Variants in DCP1B observed in about 807,000 individuals in gnomAD.
The protein encoded by DCP1B is mRNA-decapping enzyme 1B.
A neutral mutation model predicts 60.5 loss-of-function variants in DCP1B; 47 were observed. The observed-to-expected ratio is 0.78, with a 90% CI of 0.61 to 0.99. DCP1B has a LOEUF of 0.99. Among genes scored for constraint, DCP1B ranks in the 50% least tolerant of loss-of-function variants. The pLI is 0.00. For missense variants in DCP1B, 725 were observed against 756.8 expected (o/e 0.96, Z 0.49); for synonymous variants, 267 against 280.3 (o/e 0.95, Z 0.47).
Position 1,953,157 on chromosome 12 carries a change from TTGCTGCTGCTGC to T in DCP1B, c.771_782del (p.Gln258_Gln261del), listed in dbSNP as rs71057810. ...CCCCCTGCCTAATTGGAAGCTTCTC[TTGCTGCTGCTGC>T]TGCTGCTGCTGCTGCTGGTGGAGAG... On this transcript the variant is annotated inframe_deletion, in exon 7 of 9. Coordinates refer to ENST00000280665, the MANE Select transcript of DCP1B (RefSeq NM_152640.5). 4.3e-5 allele frequency: 67 copies of T among 1,562,110 alleles called. No homozygotes were observed. The highest frequency in any genetic ancestry group is 5.6e-5 in the Non-Finnish European group (64 of 1,145,280).
intron 5 of DCP1B, among the ~76,000 whole-genome samples, chr12:1,955,829 A>G (rs1462432664): frequency 6.6e-6 from 1 of 152,090 alleles, no homozygotes; most frequent in Non-Finnish European, 1.5e-5. Flanking sequence ...AGACACCTGT[A>G]TAATTGAAAG....
intron 5 of DCP1B, among the ~76,000 whole-genome samples, chr12:1,960,017 C>G (rs1336012694): frequency 6.6e-6 from 1 of 151,688 alleles, no homozygotes; most frequent in South Asian, 2.1e-4. Flanking sequence ...AGAACTACCA[C>G]ATGATCGAAG....
chr12:1,955,399 C>G, intron 6 of DCP1B, 33 bp downstream of exon 6: 2 of 1,593,192 alleles, frequency 1.3e-6, no homozygotes, highest in Non-Finnish European at 1.7e-6. Context: ...ATTCTAGAGA[C>G]ACACTGAATA....
chr12:1,957,498 T>C (rs776103193), intron 5 of DCP1B, among the ~76,000 whole-genome samples: 16 of 152,246 alleles, frequency 1.1e-4, no homozygotes, highest in Non-Finnish European at 1.9e-4. Flanking sequence ...AAAAAATTTC[T>C]ATAATTTCAT....
Position 1,971,678 on chromosome 12 carries a change from T to A in DCP1B, c.320-3768A>T, listed in dbSNP as rs1436569756. Among the ~76,000 whole-genome samples the A allele has an allele frequency of 6.6e-6, 1 of 152,224 alleles. No individual in the cohort carries two copies. The highest frequency in any genetic ancestry group is 6.5e-5 in the Admixed American group (1 of 15,290). ...CTAGTTAAGGGGCCATTAAAGGCAG[T>A]GTCATGTCAGCGTCATTCAAATGTA... is the stretch of plus-strand genomic sequence containing the variant. On this transcript the variant is annotated intron_variant, in intron 3 of 8. Transcript: ENST00000280665. This position sits in a 1 kb window ranked among gnomAD's most constrained non-coding sequence, Gnocchi z 4.2.
Position 1,962,060 on chromosome 12 carries a change from G to A in DCP1B, c.522+3498C>T, listed in dbSNP as rs1041491432. Among the ~76,000 whole-genome samples the A allele has an allele frequency of 6.6e-6, 1 of 152,172 alleles. No individual in the cohort carries two copies. The highest frequency in any genetic ancestry group is 1.5e-5 in the Non-Finnish European group (1 of 68,022). On this transcript the variant is annotated intron_variant, in intron 5 of 8. Transcript: ENST00000280665. This position sits in a 1 kb window ranked among gnomAD's most constrained non-coding sequence, Gnocchi z 4.4. ...GAAGCCTCAGGGTGTCAGCAGCAAG[G>A]GGAAGGCGTAGGCTAGAGCATTTAC...
intron 5 of DCP1B, chr12:1,961,267 G>C (rs1019550001): frequency 6.6e-6 from 1 of 152,146 alleles, no homozygotes; most frequent in Non-Finnish European, 1.5e-5. Context: ...AACAAACTGA[G>C]GCCGTCTTAG....
intron 3 of DCP1B, among the ~76,000 whole-genome samples, chr12:1,983,379 C>A (rs11062041): frequency 1.3e-5 from 2 of 151,668 alleles, no homozygotes; most frequent in Non-Finnish European, 2.9e-5. Flanking sequence ...GTATTTGATG[C>A]TATAAATTTC....
intron 2 of DCP1B, 107 bp downstream of exon 2, chr12:1,997,828 T>C (rs1014861982): frequency 6.4e-6 from 6 of 933,402 alleles, no homozygotes; most frequent in Non-Finnish European, 9.9e-6. Context: ...TTTAATTCTT[T>C]TACTTCTTTT....
chr12:1,977,842 A>G (rs895851016), intron 3 of DCP1B, among the ~76,000 whole-genome samples: 2 of 152,256 alleles, frequency 1.3e-5, no homozygotes, highest in African/African-American at 4.8e-5. Flanking sequence ...TACTATGGGT[A>G]TATACAGGTA....
chr12:1,984,419 T>C (rs1055768802), intron 3 of DCP1B, among the ~76,000 whole-genome samples: 1 of 152,074 alleles, frequency 6.6e-6, no homozygotes, highest in Non-Finnish European at 1.5e-5. Flanking sequence ...AAATACAATA[T>C]ACATATCTAA....
At chr12:1,982,320 A>G (rs991412802) in intron 3 of DCP1B, among the ~76,000 whole-genome samples, 3 of 152,146 alleles carry the variant, frequency 2.0e-5, no homozygotes, top group South Asian at 2.1e-4. Flanking sequence ...ATCCATCTCC[A>G]GAACTTTTTC....
chr12:1,993,357 T>A lies in DCP1B; in HGVS notation c.226A>T (p.Asn76Tyr). The A allele has an allele frequency of 6.2e-7, 1 of 1,613,864 alleles. No homozygotes were observed. Among genetic ancestry groups the A allele is most frequent in the Non-Finnish European group, 8.5e-7 (1 of 1,179,754 alleles). ...GTCCTATTTTCCATGCTCAGCCTAT[T>A]CATAATGGTGAATCCATGCTTTGGA... Reference protein sequence around the residue: ...ASPKHGFTIMNRLSMENRTEP... With the variant: ...ASPKHGFTIMYRLSMENRTEP... The change falls in exon 3 of 9, where the codon AAT (asparagine) becomes TAT (tyrosine). Residue 76 changes from asparagine (N) to tyrosine (Y), a missense_variant. Transcript: ENST00000280665.
chr12:1,994,653 A>G (rs916781301), intron 2 of DCP1B, among the ~76,000 whole-genome samples: 1 of 152,216 alleles, frequency 6.6e-6, no homozygotes, highest in African/African-American at 2.4e-5. Flanking sequence ...ACTCTCTATT[A>G]CAGAAAGGAA....
rs2031161044 is a variant in DCP1B, at chr12:1,962,496, C to T, written c.522+3062G>A. On this transcript the variant is annotated intron_variant, in intron 5 of 8. Coordinates refer to ENST00000280665, the MANE Select transcript of DCP1B (RefSeq NM_152640.5). The surrounding 1 kb of genome is among the most constrained non-coding windows in gnomAD (Gnocchi z 4.4). The stretch of plus-strand genomic sequence containing the variant: ...TTTTTTCAATATTTGTATTTATTTA[C>T]CATTGTTACACTGTCTTCACAGAAC... Among the ~76,000 whole-genome samples, 1 of 152,092 alleles carries T rather than the reference C, an allele frequency of 6.6e-6. No homozygotes were observed.
At chr12:1,957,620 A>G (rs186460651) in intron 5 of DCP1B, among the ~76,000 whole-genome samples, 71 of 152,328 alleles carry the variant, frequency 4.7e-4, no homozygotes, top group Non-Finnish European at 1.0e-4. Context: ...CCTGTAGATC[A>G]TTTCTGGTCC....
intron 2 of DCP1B, among the ~76,000 whole-genome samples, chr12:1,994,883 A>G (rs557686767): frequency 2.0e-5 from 3 of 152,224 alleles, no homozygotes; most frequent in African/African-American, 7.2e-5. Flanking sequence ...AATCACTGCC[A>G]GCTCCATTCC....
In DCP1B at chr12:1,962,530, C is replaced by G. The variant is rs984313231; in HGVS notation, c.522+3028G>C. Among the ~76,000 whole-genome samples the G allele has an allele frequency of 6.6e-6, 1 of 151,998 alleles. No homozygotes were observed. Among genetic ancestry groups the G allele is most frequent in the African/African-American group, 2.4e-5 (1 of 41,386 alleles). On this transcript the variant is annotated intron_variant, in intron 5 of 8. Coordinates refer to ENST00000280665, the MANE Select transcript of DCP1B (RefSeq NM_152640.5). The surrounding 1 kb of genome is among the most constrained non-coding windows in gnomAD (Gnocchi z 4.4). Reference sequence around the variant, plus strand: ...CACTGTCTTCACAGAACATTAAGTTCCTGGAGGGCAGAAATGTCACCTTTT... The same window carrying G: ...CACTGTCTTCACAGAACATTAAGTTGCTGGAGGGCAGAAATGTCACCTTTT...
chr12:2,000,645 T>C (rs1417387619), intron 1 of DCP1B, among the ~76,000 whole-genome samples: 1 of 152,214 alleles, frequency 6.6e-6, no homozygotes, highest in Non-Finnish European at 1.5e-5. Context: ...GAAGGAGTTG[T>C]GTTTCAGTAA....
Sources: allele counts gnomAD v4.1 joint callset (sites outside exome capture counted in the v4.1 genomes callset), GRCh38; gene constraint gnomAD v4.1.1; non-coding constraint Gnocchi (gnomAD v3.1); transcripts MANE v1.5; gene names NCBI Gene and HGNC (gene_info 2026-07-23, HGNC 2026-07-21).